The following HMCN1 variants were observed in gnomAD, a reference collection of about 807,000 sequenced individuals.
HMCN1 encodes the protein hemicentin 1.
Under a neutral mutation model 625.9 loss-of-function variants are expected in HMCN1, and 321 were observed. The observed-to-expected ratio is 0.51, with a 90% confidence interval of 0.47 to 0.56. The LOEUF is 0.56. Among genes scored for constraint, HMCN1 ranks in the 20% least tolerant of loss-of-function variants. HMCN1 has a pLI of 0.00. For synonymous variants in HMCN1, 2,425 were observed against 2,417.6 expected, an observed-to-expected ratio of 1.00 and a Z score of -0.09; for missense variants, 6,588 against 6,887.3, an observed-to-expected ratio of 0.96 and a Z score of 1.54.
chr1:185,760,788 C>T (rs923764379), intron 1 of HMCN1, among the ~76,000 whole-genome samples: 3 of 152,172 alleles, frequency 2.0e-5, no homozygotes, highest in South Asian at 2.1e-4. Context: ...AGGCACCATT[C>T]TTAGTGCTTT....
chr1:186,160,800 C>T (rs182156865), intron 97 of HMCN1, among the ~76,000 whole-genome samples: 8,292 of 149,374 alleles, frequency 0.056, 579 homozygotes, highest in African/African-American at 0.17. Flanking sequence ...TTGTTATAAT[C>T]TCTGTTCTTT....
At position 186,136,886 on chromosome 1, in the gene HMCN1, G is replaced by T. The variant is rs1649639821; in HGVS notation, c.13531G>T (p.Ala4511Ser). ...KEDTSEFECV[A>S]RNLMGSVLVR... is the part of the protein sequence containing the mutation. ...AGATACCTCTGAATTTGAATGTGTT[G>T]CTCGAAACTTAATGGGTTCTGTCCT... Residue 4511 changes from alanine (A) to serine (S), a missense_variant, in exon 87 of 107, where the codon GCT becomes TCT. Coordinates refer to ENST00000271588, the MANE Select transcript of HMCN1 (RefSeq NM_031935.3). 6.2e-7 allele frequency: 1 copy of T among 1,614,020 alleles called. No individual in the cohort carries two copies. The highest frequency in any genetic ancestry group is 1.3e-5 in the African/African-American group (1 of 75,036).
intron 4 of HMCN1, among the ~76,000 whole-genome samples, chr1:185,894,976 T>C (rs1665402844): frequency 6.6e-6 from 1 of 152,170 alleles, no homozygotes; most frequent in African/African-American, 2.4e-5. Flanking sequence ...CCATTTTATT[T>C]AGTCTCTAGA....
At chr1:185,930,292 G>T (rs2102490208) in intron 10 of HMCN1, among the ~76,000 whole-genome samples, 1 of 152,300 alleles carries the variant, frequency 6.6e-6, no homozygotes, top group African/African-American at 2.4e-5. Context: ...AGTCACAAGT[G>T]AGTGCCCCTT....
At position 185,933,709 on chromosome 1, in the gene HMCN1, G is replaced by A; in HGVS notation, c.1713G>A (p.Leu571=). Residue 571 remains leucine (L), a synonymous_variant, in exon 11 of 107, where the codon TTG becomes TTA. Coordinates refer to ENST00000271588, the MANE Select transcript of HMCN1 (RefSeq NM_031935.3). The part of the protein sequence containing the change: ...RLAEPARIRT[L]ANLSLELKSV... The stretch of plus-strand genomic sequence containing the variant: ...CAGAGCCAGCGAGAATTAGGACCTT[G>A]GCTAATCTGTCATTGGAGCTAAAGA... The A allele has an allele frequency of 6.2e-7, 1 of 1,614,018 alleles. No individual in the cohort carries two copies. The highest frequency in any genetic ancestry group is 1.1e-5 in the South Asian group (1 of 91,078).
chr1:185,768,086 G>A (rs1655986379), intron 1 of HMCN1, among the ~76,000 whole-genome samples: 1 of 152,048 alleles, frequency 6.6e-6, no homozygotes, highest in African/African-American at 2.4e-5. Flanking sequence ...AGCCAGAGAG[G>A]GAAATATAGT....
intron 29 of HMCN1, 108 bp from the exon 30 acceptor site, chr1:186,007,020 T>C (rs1653681766): frequency 1.9e-5 from 16 of 861,262 alleles, no homozygotes; most frequent in Non-Finnish European, 2.8e-5. Flanking sequence ...ATTTTTTAAA[T>C]TAACTTTTAC....
intron 4 of HMCN1, among the ~76,000 whole-genome samples, chr1:185,870,865 G>A (rs941897273): frequency 1.3e-5 from 2 of 152,098 alleles, no homozygotes; most frequent in South Asian, 2.1e-4. Context: ...CAACCCCTTC[G>A]TATTTCCTGG....
At chr1:185,956,889 T>G (rs1261922145) in intron 11 of HMCN1, among the ~76,000 whole-genome samples, 3 of 152,240 alleles carry the variant, frequency 2.0e-5, no homozygotes, top group African/African-American at 7.2e-5. Context: ...AGTAGCTGTA[T>G]GTCAGGAAAT....
intron 1 of HMCN1, among the ~76,000 whole-genome samples, chr1:185,776,792 GTT>G (rs1313319952): frequency 6.6e-6 from 1 of 152,122 alleles, no homozygotes; most frequent in African/African-American, 2.4e-5. Context: ...GTGGTTGCCT[GTT>G]TCAGATGTTT....
chr1:186,137,771 C>G, intron 88 of HMCN1, 31 bp from the exon 89 acceptor site: 3 of 1,614,008 alleles, frequency 1.9e-6, no homozygotes, highest in Non-Finnish European at 2.5e-6. Context: ...TTGAAATATA[C>G]CTGATGGTGT....
At chr1:185,738,470 T>A (rs755175814) in intron 1 of HMCN1, among the ~76,000 whole-genome samples, 2 of 152,234 alleles carry the variant, frequency 1.3e-5, no homozygotes, top group Non-Finnish European at 2.9e-5. Flanking sequence ...GGTTCATCCA[T>A]GTTGTAGCAT....
At chr1:185,751,659 C>G (rs1288824001) in intron 1 of HMCN1, among the ~76,000 whole-genome samples, 6 of 151,982 alleles carry the variant, frequency 3.9e-5, no homozygotes, top group Admixed American at 3.9e-4. Flanking sequence ...ATTCTCTAAG[C>G]CTTTTTACCT....
intron 97 of HMCN1, 49 bp downstream of exon 97, chr1:186,154,036 G>A: frequency 6.7e-7 from 1 of 1,495,510 alleles, no homozygotes; most frequent in Non-Finnish European, 9.3e-7. Flanking sequence ...CAGTCTAAAG[G>A]GTTAAAAAAA....
At chr1:186,109,816 G>A (rs1660790929) in intron 71 of HMCN1, among the ~76,000 whole-genome samples, 1 of 152,182 alleles carries the variant, frequency 6.6e-6, no homozygotes, top group African/African-American at 2.4e-5. Flanking sequence ...ATCTTTGATG[G>A]TTCCCCATAG....
intron 2 of HMCN1, among the ~76,000 whole-genome samples, chr1:185,851,272 A>G (rs1391312463): frequency 6.6e-6 from 1 of 152,158 alleles, no homozygotes; most frequent in Non-Finnish European, 1.5e-5. Flanking sequence ...TTAAAAAAAG[A>G]AAACCTTTAA....
intron 40 of HMCN1, among the ~76,000 whole-genome samples, chr1:186,044,646 T>A (rs1171247510): frequency 6.6e-6 from 1 of 152,170 alleles, no homozygotes; most frequent in East Asian, 1.9e-4. Flanking sequence ...AACCTTTTTT[T>A]GTAACTAAAA....
At chr1:186,171,959 GAATA>G (rs1652258254) in intron 101 of HMCN1, 43 bp from the exon 102 acceptor site, 1 of 1,581,362 alleles carries the variant, frequency 6.3e-7, no homozygotes. Flanking sequence ...TGGAAAAGTT[GAATA>G]AATAATTTTC....
chr1:186,010,313 G>A (rs1653916475), intron 30 of HMCN1, among the ~76,000 whole-genome samples: 1 of 152,152 alleles, frequency 6.6e-6, no homozygotes, highest in South Asian at 2.1e-4. Context: ...CCCCCAAATG[G>A]AAGTATAGTT....
Sources: gnomAD v4.1 joint callset for allele counts (sites outside exome capture counted in the v4.1 genomes callset) on GRCh38, gnomAD v4.1.1 for gene constraint, MANE v1.5 for transcripts, NCBI Gene and HGNC (gene_info 2026-07-23, HGNC 2026-07-21) for gene names.